The following LSM4 variants were observed in gnomAD, a reference collection of about 807,000 sequenced individuals.
LSM4 encodes LSM4 homolog, U6 small nuclear RNA and mRNA degradation associated.
In LSM4, 15 loss-of-function variants were observed where a neutral mutation model predicts 22.3. The observed-to-expected ratio is 0.67, with a 90% confidence interval of 0.45 to 1.03. The LOEUF is 1.03. Ranked by LOEUF, LSM4 falls within the 50% of genes least tolerant of loss-of-function variation. LSM4 has a pLI of 0.00. For missense variants in LSM4, 127 were observed against 198.0 expected (o/e 0.64, Z 2.15); for synonymous variants, 90 against 79.8 (o/e 1.13, Z -0.68).
rs1213020318 is a variant in LSM4, at chr19:18,323,040, C to G, written c.-20G>C. 2 of 1,541,864 alleles carry G rather than the reference C, an allele frequency of 1.3e-6. No individual in the cohort carries two copies. Among genetic ancestry groups the G allele is most frequent in the African/African-American group, 2.9e-5 (2 of 69,728 alleles). ...CACCATGGTGCCGGCGGGGACCGGGCTCGCCGGCCACTTCCGCCGCCGCCG... is the reference window on the plus strand; with the variant it reads ...CACCATGGTGCCGGCGGGGACCGGGGTCGCCGGCCACTTCCGCCGCCGCCG... On this transcript the variant is annotated 5_prime_UTR_variant, in exon 1 of 5. Coordinates refer to ENST00000593829, the MANE Select transcript of LSM4 (RefSeq NM_012321.5).
intron 1 of LSM4, among the ~76,000 whole-genome samples, chr19:18,320,401 G>C (rs1393985255): frequency 6.6e-6 from 1 of 152,200 alleles, no homozygotes; most frequent in African/African-American, 2.4e-5. Context: ...CAGCTACTTG[G>C]GAGGCTGAGG....
chr19:18,320,111 G>A (rs1367715621), intron 1 of LSM4, among the ~76,000 whole-genome samples: 1 of 152,210 alleles, frequency 6.6e-6, no homozygotes, highest in African/African-American at 2.4e-5. Flanking sequence ...CTGGGCCTGT[G>A]ACCATATATC....
chr19:18,318,109 A>C (rs1970379499), intron 1 of LSM4, among the ~76,000 whole-genome samples: 1 of 152,182 alleles, frequency 6.6e-6, no homozygotes, highest in Non-Finnish European at 1.5e-5. Context: ...TGGTGACTGG[A>C]ATTCCAGGTG....
chr19:18,311,579 T>C (rs1019929944), intron 3 of LSM4, among the ~76,000 whole-genome samples: 6 of 152,098 alleles, frequency 3.9e-5, no homozygotes, highest in African/African-American at 1.4e-4. Flanking sequence ...ATACCGGAAG[T>C]GGACAGAGCC....
At chr19:18,316,874 G>A (rs1407648746) in intron 1 of LSM4, among the ~76,000 whole-genome samples, 1 of 152,166 alleles carries the variant, frequency 6.6e-6, no homozygotes, top group Non-Finnish European at 1.5e-5. Flanking sequence ...ACACTGCCAG[G>A]CCCCAATGCA....
At chr19:18,314,273 C>A (rs1351637400) in intron 2 of LSM4, among the ~76,000 whole-genome samples, 1 of 151,940 alleles carries the variant, frequency 6.6e-6, no homozygotes, top group East Asian at 1.9e-4. Flanking sequence ...GTAATCCCAG[C>A]ACTTTGGGAG....
intron 1 of LSM4, among the ~76,000 whole-genome samples, chr19:18,319,721 G>C (rs917630061): frequency 1.3e-5 from 2 of 152,192 alleles, no homozygotes; most frequent in African/African-American, 4.8e-5. Context: ...TATTGCCTCT[G>C]CCTGGGGTGA....
chr19:18,309,960 C>T lies in LSM4; in HGVS notation c.145-99G>A, dbSNP rs567278085. The stretch of plus-strand genomic sequence containing the variant: ...TGCAGATCCTGCCCAGCCTGCACCC[C>T]GTACCACCCCTGCAAGCTGCACAGT... On this transcript the variant is annotated intron_variant, in intron 3 of 4. Coordinates refer to ENST00000593829, the MANE Select transcript of LSM4 (RefSeq NM_012321.5). 2.2e-5 allele frequency: 25 copies of T among 1,130,772 alleles called. No individual in the cohort carries two copies. The African/African-American group carries it at 3.1e-4, about 14-fold the overall frequency. The allele number at this position is 1,130,772 out of a possible 1,614,324, so 70.0% of individuals were successfully genotyped here. A position where few individuals can be genotyped will look rare whatever the true frequency, so the allele number is the denominator to read the frequency against.
In LSM4 at chr19:18,307,645, C is replaced by T; in HGVS notation, c.329-90G>A. ...CGCCCTGAAACTCTAGGCCAGGTCA[C>T]CTAAGTCTCCAGCCTCAGCTTCCTC... On this transcript the variant is annotated intron_variant, in intron 4 of 4. Coordinates refer to ENST00000593829, the MANE Select transcript of LSM4 (RefSeq NM_012321.5). 3.3e-6 allele frequency: 3 copies of T among 921,958 alleles called. No homozygotes were observed. The South Asian group carries it at 6.2e-5, about 19-fold the overall frequency. 57.1% of individuals were successfully genotyped at this position (921,958 alleles called of 1,614,324 possible).
intron 1 of LSM4, among the ~76,000 whole-genome samples, chr19:18,321,915 C>A (rs1368081555): frequency 2.0e-5 from 3 of 152,120 alleles, no homozygotes; most frequent in Admixed American, 2.0e-4. Flanking sequence ...AGCCCCTACC[C>A]GCCAAATTAT....
chr19:18,317,971 C>T (rs1234404192), intron 1 of LSM4, among the ~76,000 whole-genome samples: 1 of 152,210 alleles, frequency 6.6e-6, no homozygotes, highest in African/African-American at 2.4e-5. Flanking sequence ...TCGGGTAACG[C>T]AGAGCTGTGC....
chr19:18,320,426 C>CGCTTGA (rs1970413392), intron 1 of LSM4, among the ~76,000 whole-genome samples: 1 of 151,334 alleles, frequency 6.6e-6, no homozygotes, highest in Non-Finnish European at 1.5e-5. Flanking sequence ...GTGGGAGGAT[C>CGCTTGA]ACGGGCCAGT....
chr19:18,311,881 A>G (rs1299782508), intron 3 of LSM4, among the ~76,000 whole-genome samples: 1 of 152,124 alleles, frequency 6.6e-6, no homozygotes, highest in East Asian at 1.9e-4. Context: ...AGGTGACCCC[A>G]GGCAGGCACT....
intron 4 of LSM4, among the ~76,000 whole-genome samples, chr19:18,308,199 G>C (rs1022484070): frequency 6.6e-6 from 1 of 152,154 alleles, no homozygotes; most frequent in African/African-American, 2.4e-5. Flanking sequence ...CAGGGACTGA[G>C]TGGACGCTAC....
At chr19:18,322,113 T>A (rs867053436) in intron 1 of LSM4, among the ~76,000 whole-genome samples, 65 of 152,270 alleles carry the variant, frequency 4.3e-4, no homozygotes, top group South Asian at 1.0e-3. Flanking sequence ...ACCAGCCGGA[T>A]TTAGGGAGAG....
chr19:18,309,906 T>C (rs1970280058), intron 3 of LSM4, 45 bp from the exon 4 acceptor site: 2 of 1,590,430 alleles, frequency 1.3e-6, no homozygotes, highest in Admixed American at 3.5e-5. Flanking sequence ...CCGGGCCGTC[T>C]GGCCCAGCCC....
rs1970232917 is a variant in LSM4, at chr19:18,307,013, C to G, written c.*451G>C. 6.3e-6 allele frequency: 1 copy of G among 159,674 alleles called. No individual in the cohort carries two copies. Among genetic ancestry groups the G allele is most frequent in the Non-Finnish European group, 1.4e-5 (1 of 73,386 alleles). The allele number at this position is 159,674 out of a possible 1,614,324, so 9.9% of individuals were successfully genotyped here. A position where few individuals can be genotyped will look rare whatever the true frequency, so the allele number is the denominator to read the frequency against. On this transcript the variant is annotated 3_prime_UTR_variant, in exon 5 of 5. Coordinates refer to ENST00000593829, the MANE Select transcript of LSM4 (RefSeq NM_012321.5). ...CACGGTTCGAAGGCTTTCAACCGTC[C>G]CGGGTTTGTTTTGAAGGCAATTTTG...
intron 2 of LSM4, among the ~76,000 whole-genome samples, chr19:18,314,235 A>G (rs992196355): frequency 6.6e-6 from 1 of 152,070 alleles, no homozygotes; most frequent in Non-Finnish European, 1.5e-5. Flanking sequence ...ACAAACACAT[A>G]AACAAAATGT....
At chr19:18,310,597 G>A (rs979761407) in intron 3 of LSM4, among the ~76,000 whole-genome samples, 1 of 152,176 alleles carries the variant, frequency 6.6e-6, no homozygotes, top group Non-Finnish European at 1.5e-5. Context: ...CGAGGGATTA[G>A]CAGGGGCCAG....
Sources: allele counts gnomAD v4.1 joint callset (sites outside exome capture counted in the v4.1 genomes callset), GRCh38; gene constraint gnomAD v4.1.1; transcripts MANE v1.5; gene names NCBI Gene and HGNC (gene_info 2026-07-23, HGNC 2026-07-21).